CCDC102B: variants seen among roughly 807,000 people sequenced by gnomAD.
CCDC102B encodes coiled-coil domain-containing protein 102B.
CCDC102B carries 75 observed loss-of-function variants against 57.4 expected under a neutral mutation model. The ratio of observed to expected loss-of-function variants is 1.31; its 90% CI spans 1.08 to 1.58. CCDC102B has a LOEUF of 1.58. Ranked by LOEUF, CCDC102B falls within the 40% of genes most tolerant of loss-of-function variation. The pLI is 0.00. For missense variants in CCDC102B, 636 were observed against 582.6 expected, an observed-to-expected ratio of 1.09 and a Z score of -0.94; for synonymous variants, 206 against 201.9, an observed-to-expected ratio of 1.02 and a Z score of -0.17.
intron 1 of CCDC102B, among the ~76,000 whole-genome samples, chr18:68,715,939 G>C (rs1468465212): frequency 6.6e-6 from 1 of 152,080 alleles, no homozygotes; most frequent in African/African-American, 2.4e-5. Context: ...TTCACCTTAG[G>C]TTCAAAATTC....
At chr18:68,991,246 C>G in intron 6 of CCDC102B, among the ~76,000 whole-genome samples, 1 of 151,554 alleles carries the variant, frequency 6.6e-6, no homozygotes, top group Non-Finnish European at 1.5e-5. Flanking sequence ...AAACCAATAG[C>G]TTTGTCTATC....
chr18:69,035,772 T>C (rs2052274134), intron 7 of CCDC102B, among the ~76,000 whole-genome samples: 1 of 152,148 alleles, frequency 6.6e-6, no homozygotes, highest in Non-Finnish European at 1.5e-5. Flanking sequence ...CAAAATTTAC[T>C]CTGTATTAAT....
intron 2 of CCDC102B, among the ~76,000 whole-genome samples, chr18:68,837,851 G>A (rs2037452594): frequency 6.6e-6 from 1 of 152,086 alleles, no homozygotes; most frequent in Admixed American, 6.5e-5. Flanking sequence ...TACTTTCCGT[G>A]AACAACACAT....
At chr18:68,867,020 G>A (rs570482718) in intron 4 of CCDC102B, 127 of 278,716 alleles carry the variant, frequency 4.6e-4, no homozygotes, top group Middle Eastern at 1.1e-3. Flanking sequence ...AGGGCTGGCA[G>A]CCATGTGAAG....
chr18:68,800,000 A>G (rs369144173), intron 1 of CCDC102B, among the ~76,000 whole-genome samples: 1 of 152,104 alleles, frequency 6.6e-6, no homozygotes, highest in South Asian at 2.1e-4. Flanking sequence ...CATCTTTACC[A>G]TAATCATCAT....
chr18:68,766,358 G>A (rs1795727286), intron 2 of CCDC102B, among the ~76,000 whole-genome samples: 1 of 152,152 alleles, frequency 6.6e-6, no homozygotes, highest in Non-Finnish European at 1.5e-5. Context: ...CCAGTGATAT[G>A]TCCATATATC....
chr18:69,057,775 C>G (rs189266574), downstream of CCDC102B, among the ~76,000 whole-genome samples: 5 of 152,122 alleles, frequency 3.3e-5, no homozygotes, highest in East Asian at 9.7e-4. Flanking sequence ...AGACCTCAGT[C>G]CTCATACCCA....
chr18:68,932,495 G>A (rs2041709707), intron 6 of CCDC102B, among the ~76,000 whole-genome samples: 1 of 151,756 alleles, frequency 6.6e-6, no homozygotes, highest in Non-Finnish European at 1.5e-5. Context: ...TAGATATTTA[G>A]ACCACCTTAA....
At chr18:68,873,146 A>C (rs1173648640) in intron 4 of CCDC102B, among the ~76,000 whole-genome samples, 2 of 152,126 alleles carry the variant, frequency 1.3e-5, no homozygotes, top group African/African-American at 2.4e-5. Flanking sequence ...CCAGGGACTA[A>C]TGCCACATTG....
chr18:69,009,815 A>T (rs531671467), intron 6 of CCDC102B, among the ~76,000 whole-genome samples: 1 of 151,480 alleles, frequency 6.6e-6, no homozygotes, highest in African/African-American at 2.4e-5. Context: ...ATATAAAGTA[A>T]TATGACAGCA....
chr18:68,838,907 A>T lies in CCDC102B; in HGVS notation c.808A>T (p.Ile270Phe). The change falls in exon 3 of 8, where the codon ATC (isoleucine) becomes TTC (phenylalanine). Residue 270 changes from isoleucine to phenylalanine, a missense_variant. Physicochemically the swap from Ile to Phe is conservative, Grantham distance 21. Transcript: ENST00000360242. ...GGTGCATTTGGATGAATTCCAAAAA[A>T]TCTTATGGAAGGAAAGAGAGTAAGT... ...LQVHLDEFQKILWKEREMRTA... is the reference protein window; with the variant it reads ...LQVHLDEFQKFLWKEREMRTA... 3 of 1,613,738 alleles carry T rather than the reference A, an allele frequency of 1.9e-6. No individual in the cohort carries two copies. Among genetic ancestry groups the T allele is most frequent in the Non-Finnish European group, 1.7e-6 (2 of 1,179,772 alleles).
At chr18:68,729,207 A>T (rs1013425437) in intron 2 of CCDC102B, among the ~76,000 whole-genome samples, 7 of 152,234 alleles carry the variant, frequency 4.6e-5, no homozygotes, top group African/African-American at 1.7e-4. Flanking sequence ...ATTAAACAAG[A>T]TGCCAATAAA....
chr18:69,018,852 G>A (rs193246968), intron 7 of CCDC102B, among the ~76,000 whole-genome samples: 34 of 152,086 alleles, frequency 2.2e-4, no homozygotes, highest in African/African-American at 8.2e-4. Context: ...ATAATGCCAA[G>A]GAGATTTTTC....
chr18:69,013,397 A>G (rs138592322), intron 7 of CCDC102B, among the ~76,000 whole-genome samples: 1 of 152,312 alleles, frequency 6.6e-6, no homozygotes, highest in East Asian at 1.9e-4. Context: ...AGGAGGGTAA[A>G]TGATAAGAAA....
At chr18:69,013,032 GA>G (rs144196061) in intron 7 of CCDC102B, among the ~76,000 whole-genome samples, 48 of 146,522 alleles carry the variant, frequency 3.3e-4, no homozygotes, top group East Asian at 2.6e-3. Context: ...CTACCTAAAG[GA>G]AAAAAAAAAC....
chr18:68,832,125 A>C (rs1422166855), intron 1 of CCDC102B, among the ~76,000 whole-genome samples: 1 of 152,178 alleles, frequency 6.6e-6, no homozygotes. Flanking sequence ...AAAATTCAAC[A>C]AAGGTTTCAT....
chr18:68,733,919 G>A lies in CCDC102B; in HGVS notation c.-67+17325G>A, dbSNP rs547024937. ...AGTTCAGCATCAAAGAGTAAGGTCC[G>A]AACAACTGCCTCGACTCACATGTTG... is the stretch of plus-strand genomic sequence containing the variant. On this transcript the variant is annotated intron_variant, in intron 2 of 3. Coordinates refer to the CCDC102B transcript ENST00000578970. Among the ~76,000 whole-genome samples the A allele has an allele frequency of 1.2e-3, 186 of 152,218 alleles. 1 individual carries two copies. Among genetic ancestry groups the A allele is most frequent in the African/African-American group, 4.2e-3 (173 of 41,534 alleles).
At chr18:68,923,903 A>C (rs1180287146) in intron 6 of CCDC102B, among the ~76,000 whole-genome samples, 1 of 152,070 alleles carries the variant, frequency 6.6e-6, no homozygotes, top group African/African-American at 2.4e-5. Context: ...CCAACTATGC[A>C]AGGGATCTGT....
chr18:68,969,404 T>A (rs943207325), intron 6 of CCDC102B, among the ~76,000 whole-genome samples: 1 of 152,216 alleles, frequency 6.6e-6, no homozygotes. Context: ...GTTTTGCGGT[T>A]GAAATTTAGT....
Sources: allele counts gnomAD v4.1 joint callset (sites outside exome capture counted in the v4.1 genomes callset), GRCh38; gene constraint gnomAD v4.1.1; transcripts MANE v1.5; gene names NCBI Gene and HGNC (gene_info 2026-07-23, HGNC 2026-07-21).